The following LRRC3C variants were observed in gnomAD, a reference collection of about 807,000 sequenced individuals.
LRRC3C encodes the protein leucine-rich repeat-containing protein 3C.
LRRC3C carries 11 observed loss-of-function variants against 14.8 expected under a neutral mutation model. The ratio of observed to expected loss-of-function variants is 0.74; its 90% CI spans 0.47 to 1.23. The LOEUF is 1.23. Among genes scored for constraint, LRRC3C ranks in the 50% most tolerant of loss-of-function variants. The pLI is 0.00. For synonymous variants in LRRC3C, 149 were observed against 161.5 expected (o/e 0.92, Z 0.59); for missense variants, 354 against 361.8 (o/e 0.98, Z 0.18).
Position 39,944,625 on chromosome 17 carries a change from TG to T in LRRC3C, c.721del (p.Val241CysfsTer82). The T allele has an allele frequency of 6.5e-7, 1 of 1,535,918 alleles. No homozygotes were observed. Among genetic ancestry groups the T allele is most frequent in the Non-Finnish European group, 8.7e-7 (1 of 1,146,844 alleles). ...TGGCTGACACTCATGGTGGCTTATCTGGTGCATTATGTGTGGCAGAACCGAG... is the reference window on the plus strand; with the variant it reads ...TGGCTGACACTCATGGTGGCTTATCTGTGCATTATGTGTGGCAGAACCGAG... ...GGWLTLMVAYLVHYVWQNRDE... is the reference protein window; with the variant it reads ...GGWLTLMVAYXVHYVWQNRDE... On this transcript the variant is annotated frameshift_variant, in exon 4 of 4. Coordinates refer to ENST00000377924, the MANE Select transcript of LRRC3C (RefSeq NM_001195545.2). LOFTEE classifies it high-confidence loss of function.
At position 39,939,348 on chromosome 17, in the gene LRRC3C, A is replaced by T. The variant is rs943005310; in HGVS notation, c.-81-2095A>T. 6.1e-6 allele frequency: 6 copies of T among 985,400 alleles called. No homozygotes were observed. The South Asian group carries it at 1.9e-4, about 31-fold the overall frequency. 61.0% of individuals were successfully genotyped at this position (985,400 alleles called of 1,614,324 possible). A position where few individuals can be genotyped will look rare whatever the true frequency, so the allele number is the denominator to read the frequency against. On this transcript the variant is annotated intron_variant, in intron 2 of 3. Coordinates refer to ENST00000377924, the MANE Select transcript of LRRC3C (RefSeq NM_001195545.2). ...CTCTGTGCTTCACAGCTCCCTGTAC[A>T]AACATCAATTAATGCAGGCAGCACA...
At chr17:39,940,778 G>A (rs1386276150) in intron 2 of LRRC3C, among the ~76,000 whole-genome samples, 1 of 151,990 alleles carries the variant, frequency 6.6e-6, no homozygotes, top group Admixed American at 6.6e-5. Flanking sequence ...GTCTTAATGC[G>A]TCACCTAGGC....
chr17:39,938,472 C>T (rs919188480), intron 2 of LRRC3C, among the ~76,000 whole-genome samples: 16 of 146,278 alleles, frequency 1.1e-4, no homozygotes, highest in African/African-American at 4.1e-4. Context: ...TGCAGGGGGC[C>T]AAGGCAGGAG....
chr17:39,941,493 G>C lies in LRRC3C; in HGVS notation c.-31G>C. On this transcript the variant is annotated 5_prime_UTR_variant, in exon 3 of 4. Transcript: ENST00000377924. ...GTCACCCATAGTCTTCCAAAATCCA[G>C]CAAGAAAAATCCTTCTCAGAAAGGT... The C allele has an allele frequency of 6.5e-7, 1 of 1,534,064 alleles. No homozygotes were observed. The highest frequency in any genetic ancestry group is 8.7e-7 in the Non-Finnish European group (1 of 1,145,582).
rs897050272 is a variant in LRRC3C at position 39,935,938 on chromosome 17, CCTAT to C, written c.-82+55_-82+58del. 271 of 940,410 alleles carry C rather than the reference CCTAT, an allele frequency of 2.9e-4. No homozygotes were observed. The African/African-American group carries it at 3.6e-3, about 12-fold the overall frequency. 58.3% of individuals were successfully genotyped at this position (940,410 alleles called of 1,614,324 possible). A position where few individuals can be genotyped will look rare whatever the true frequency, so the allele number is the denominator to read the frequency against. ...TCTTCTCTATCTATCTATCTACCTA[CCTAT>C]CTATCTATCTTTTTCCTTTCAGTTA... On this transcript the variant is annotated intron_variant, in intron 2 of 3. Coordinates refer to ENST00000377924, the MANE Select transcript of LRRC3C (RefSeq NM_001195545.2).
intron 2 of LRRC3C, among the ~76,000 whole-genome samples, chr17:39,936,791 T>C (rs1978809340): frequency 1.3e-5 from 2 of 151,838 alleles, no homozygotes; most frequent in African/African-American, 4.8e-5. Context: ...CACTCCAGGC[T>C]GGGAGACAGA....
intron 2 of LRRC3C, among the ~76,000 whole-genome samples, chr17:39,938,533 A>AC (rs1475033412): frequency 3.7e-5 from 4 of 106,824 alleles, no homozygotes; most frequent in African/African-American, 1.5e-4. Context: ...CCTCATCTCT[A>AC]CAAAAAAAAA....
Position 39,944,305 on chromosome 17 carries a change from C to T in LRRC3C, c.399C>T (p.Leu133=), listed in dbSNP as rs141563058. The T allele has an allele frequency of 2.1e-4, 325 of 1,535,602 alleles. 2 individuals are homozygous for T. Among genetic ancestry groups the T allele is most frequent in the Middle Eastern group, 2.0e-3 (12 of 5,990 alleles). Residue 133 remains leucine, a synonymous_variant, in exon 4 of 4, where the codon CTC becomes CTT. Transcript: ENST00000377924. ...GCCTGGAGGGCACATTGCGCCACCTCGACCTCTCTGCCAACCAGCTGGCCT... is the reference window on the plus strand; with the variant it reads ...GCCTGGAGGGCACATTGCGCCACCTTGACCTCTCTGCCAACCAGCTGGCCT... ...FQGLEGTLRH[L]DLSANQLASV...
At chr17:39,933,142 AT>A (rs1978698088) in intron 1 of LRRC3C, among the ~76,000 whole-genome samples, 1 of 152,216 alleles carries the variant, frequency 6.6e-6, no homozygotes, top group Non-Finnish European at 1.5e-5. Flanking sequence ...GATCTTTTTC[AT>A]TCTCTAGTTT....
intron 1 of LRRC3C, among the ~76,000 whole-genome samples, chr17:39,933,315 G>A (rs369566097): frequency 3.9e-5 from 6 of 152,266 alleles, no homozygotes; most frequent in Admixed American, 2.0e-4. Context: ...TGATCTGGGA[G>A]TGGTGATCGG....
chr17:39,944,320 C>T lies in LRRC3C; in HGVS notation c.414C>T (p.Asn138=). 1 of 1,535,724 alleles carries T rather than the reference C, an allele frequency of 6.5e-7. No individual in the cohort carries two copies. The highest frequency in any genetic ancestry group is 2.4e-5 in the East Asian group (1 of 40,912). ...GTLRHLDLSA[N]QLASVPVEAF... ...TGCGCCACCTCGACCTCTCTGCCAA[C>T]CAGCTGGCCTCAGTGCCCGTGGAGG... The change falls in exon 4 of 4, where the codon AAC becomes AAT. Residue 138 remains asparagine (N), a synonymous_variant. Transcript: ENST00000377924.
intron 3 of LRRC3C, among the ~76,000 whole-genome samples, chr17:39,941,829 C>T (rs1198164376): frequency 6.6e-6 from 1 of 152,190 alleles, no homozygotes; most frequent in Non-Finnish European, 1.5e-5. Context: ...TTCTGGGCCT[C>T]AGTTTACCGG....
chr17:39,944,570 G>A lies in LRRC3C; in HGVS notation c.664G>A (p.Asp222Asn), dbSNP rs754285890. 1.8e-5 allele frequency: 28 copies of A among 1,532,292 alleles called. No homozygotes were observed. Among genetic ancestry groups the A allele is most frequent in the Non-Finnish European group, 2.4e-5 (28 of 1,145,048 alleles). 94.9% of individuals were successfully genotyped at this position (1,532,292 alleles called of 1,614,324 possible). A position where few individuals can be genotyped will look rare whatever the true frequency, so the allele number is the denominator to read the frequency against. ...SGWGGARRST[D>N]VALLVTMGGW... ...GTGGGGTGGGGCCCGGAGGAGCACC[G>A]ATGTGGCCCTGCTGGTCACCATGGG... Residue 222 changes from aspartate to asparagine, a missense_variant, in exon 4 of 4, where the codon GAT (aspartate) becomes AAT (asparagine). Physicochemically the swap from Asp to Asn is conservative, Grantham distance 23. Coordinates refer to ENST00000377924, the MANE Select transcript of LRRC3C (RefSeq NM_001195545.2).
chr17:39,933,705 C>T (rs1207903881), intron 1 of LRRC3C, among the ~76,000 whole-genome samples: 1 of 152,098 alleles, frequency 6.6e-6, no homozygotes, highest in Non-Finnish European at 1.5e-5. Flanking sequence ...AGCACTCCAG[C>T]CTGGGCGACA....
chr17:39,927,757 G>C lies in LRRC3C; in HGVS notation c.-232G>C. 3 of 985,558 alleles carry C rather than the reference G, an allele frequency of 3.0e-6. No individual in the cohort carries two copies. The highest frequency in any genetic ancestry group is 3.6e-6 in the Non-Finnish European group (3 of 829,992). 61.1% of individuals were successfully genotyped at this position (985,558 alleles called of 1,614,324 possible). ...GGGCTCCGTTCCCGGCCTCTTCGGGGACGCACGGTTGGAAGTTGTACCGTG... is the reference window on the plus strand; with the variant it reads ...GGGCTCCGTTCCCGGCCTCTTCGGGCACGCACGGTTGGAAGTTGTACCGTG... On this transcript the variant is annotated 5_prime_UTR_variant, in exon 1 of 4. Transcript: ENST00000377924.
rs1458972790 is a variant in LRRC3C at position 39,943,962 on chromosome 17, T to G, written c.56T>G (p.Phe19Cys). Residue 19 changes from phenylalanine (F) to cysteine (C), a missense_variant, in exon 4 of 4, where the codon TTT (phenylalanine) becomes TGT (cysteine). Coordinates refer to ENST00000377924, the MANE Select transcript of LRRC3C (RefSeq NM_001195545.2). Reference protein sequence around the residue: ...VSYCTPGLCQFMAMLPTAGHL... With the variant: ...VSYCTPGLCQCMAMLPTAGHL... ...TACTGCACTCCAGGACTATGCCAAT[T>G]TATGGCCATGCTCCCAACAGCAGGT... is the stretch of plus-strand genomic sequence containing the variant. 6.5e-7 allele frequency: 1 copy of G among 1,535,968 alleles called. No individual in the cohort carries two copies. The highest frequency in any genetic ancestry group is 1.4e-5 in the African/African-American group (1 of 73,028).
intron 2 of LRRC3C, among the ~76,000 whole-genome samples, chr17:39,937,392 T>C (rs1234161039): frequency 1.4e-5 from 2 of 147,456 alleles, no homozygotes; most frequent in African/African-American, 5.0e-5. Flanking sequence ...GCTGAGATCA[T>C]GCCATTGCAC....
intron 1 of LRRC3C, among the ~76,000 whole-genome samples, chr17:39,932,636 C>A (rs551692152): frequency 6.6e-6 from 1 of 150,794 alleles, no homozygotes; most frequent in Admixed American, 6.6e-5. Context: ...GCGGGAGGAT[C>A]GCTTGAGCCC....
chr17:39,941,455 G>T lies in LRRC3C; in HGVS notation c.-69G>T. The stretch of plus-strand genomic sequence containing the variant: ...ATTTTGCACTCAGCTCTACAATTCC[G>T]TGTCCAGTCCTGGTCACCCATAGTC... On this transcript the variant is annotated 5_prime_UTR_variant, in exon 3 of 4. Transcript: ENST00000377924. 1.5e-6 allele frequency: 2 copies of T among 1,317,408 alleles called. No homozygotes were observed. The highest frequency in any genetic ancestry group is 1.1e-6 in the Non-Finnish European group (1 of 951,242). 81.6% of individuals were successfully genotyped at this position (1,317,408 alleles called of 1,614,324 possible).
Sources: allele counts gnomAD v4.1 joint callset (sites outside exome capture counted in the v4.1 genomes callset), GRCh38; gene constraint gnomAD v4.1.1; transcripts MANE v1.5; gene names NCBI Gene and HGNC (gene_info 2026-07-23, HGNC 2026-07-21).